Variants in SORL1 observed in about 807,000 individuals in gnomAD.
SORL1 encodes the protein sortilin related receptor 1, also known as sortilin-related receptor.
SORL1 carries 127 observed loss-of-function variants against 273.7 expected under a neutral mutation model. The ratio of observed to expected loss-of-function variants is 0.46; its 90% CI spans 0.40 to 0.54. SORL1 has a LOEUF of 0.54. SORL1 is among the 20% of genes least tolerant of loss of function. The pLI is 0.00. For missense variants in SORL1, 2,494 were observed against 2,846.1 expected (o/e 0.88, Z 2.81); for synonymous variants, 1,031 against 1,067.4 (o/e 0.97, Z 0.66).
At chr11:121,617,077 A>G (rs191838990) in intron 41 of SORL1, among the ~76,000 whole-genome samples, 1 of 152,364 alleles carries the variant, frequency 6.6e-6, no homozygotes, top group East Asian at 1.9e-4. Context: ...GTTCAGGTTA[A>G]GATAAAAGAT....
chr11:121,500,553 G>A lies in SORL1; in HGVS notation c.939+3504G>A, dbSNP rs147267345. On this transcript the variant is annotated intron_variant, in intron 6 of 47. Coordinates refer to ENST00000260197, the MANE Select transcript of SORL1 (RefSeq NM_003105.6). ...TCTAAGGTTGCTTTCATGCCCAGTG[G>A]TAGAGTTGCATAGGTACCTATACAG... Among the ~76,000 whole-genome samples, 6 of 152,308 alleles carry A rather than the reference G, an allele frequency of 3.9e-5. No homozygotes were observed. In the East Asian group the frequency reaches 1.2e-3, roughly 29 times the overall value.
At position 121,514,215 on chromosome 11, in the gene SORL1, C is replaced by T. The variant is rs548615007; in HGVS notation, c.1105C>T (p.Arg369Cys). 41 of 1,614,150 alleles carry T rather than the reference C, an allele frequency of 2.5e-5. No individual in the cohort carries two copies. The highest frequency in any genetic ancestry group is 3.3e-4 in the Middle Eastern group (2 of 6,062). ...TGTGTGTGTCAGCCACAGTAACAACCGCACCAATTTATACATCTCAGAGGC... is the reference window on the plus strand; with the variant it reads ...TGTGTGTGTCAGCCACAGTAACAACTGCACCAATTTATACATCTCAGAGGC... The part of the protein sequence containing the change: ...VFVCVSHSNN[R>C]TNLYISEAEG... The change falls in exon 8 of 48, where the codon CGC becomes TGC. Residue 369 changes from arginine to cysteine, a missense_variant. Arg to Cys is a radical substitution (Grantham distance 180). Transcript: ENST00000260197.
At chr11:121,593,212 C>G (rs1028570352) in intron 31 of SORL1, among the ~76,000 whole-genome samples, 3 of 152,198 alleles carry the variant, frequency 2.0e-5, no homozygotes, top group African/African-American at 7.2e-5. Context: ...TCACCTGTCT[C>G]CATGTACCTT....
At chr11:121,537,313 A>G (rs1274534007) in intron 12 of SORL1, among the ~76,000 whole-genome samples, 1 of 152,172 alleles carries the variant, frequency 6.6e-6, no homozygotes, top group African/African-American at 2.4e-5. Flanking sequence ...GACTTGCATT[A>G]TAGAATGATG....
At chr11:121,611,038 C>T in intron 38 of SORL1, 38 bp from the exon 39 acceptor site, 1 of 1,425,686 alleles carries the variant, frequency 7.0e-7, no homozygotes, top group African/African-American at 1.4e-5. Context: ...CACTTTTCAT[C>T]ACGTGGCTTC....
At chr11:121,468,191 G>C (rs1272209121) in intron 1 of SORL1, among the ~76,000 whole-genome samples, 1 of 152,128 alleles carries the variant, frequency 6.6e-6, no homozygotes, top group African/African-American at 2.4e-5. Context: ...AAGACAGCTC[G>C]GAGGGCAGGT....
intron 23 of SORL1, 78 bp from the exon 24 acceptor site, chr11:121,574,163 G>T: frequency 7.2e-7 from 1 of 1,397,326 alleles, no homozygotes; most frequent in African/African-American, 1.4e-5. Flanking sequence ...TTTTTTAATT[G>T]GTTTTCCAGT....
intron 31 of SORL1, among the ~76,000 whole-genome samples, chr11:121,591,985 C>T (rs1039463329): frequency 2.6e-5 from 4 of 151,968 alleles, no homozygotes; most frequent in Non-Finnish European, 4.4e-5. Flanking sequence ...GTCTTTTTGC[C>T]ATATTGAGTT....
Position 121,606,957 on chromosome 11 carries a change from T to G in SORL1, c.5061T>G (p.Ile1687Met), listed in dbSNP as rs748623785. 6.9e-6 allele frequency: 11 copies of G among 1,600,662 alleles called. No homozygotes were observed. The highest frequency in any genetic ancestry group is 1.1e-5 in the South Asian group (1 of 90,834). ...IHTHGLIREYIVEYSRSGSKM... is the reference protein window; with the variant it reads ...IHTHGLIREYMVEYSRSGSKM... ...CCCATGGCCTCATCCGTGAGTACAT[T>G]GTAAGTACCTTCCATGAGTTGGCTG... Residue 1687 changes from isoleucine to methionine, a missense_variant and splice_region_variant, in exon 36 of 48, where the codon ATT becomes ATG. Coordinates refer to ENST00000260197, the MANE Select transcript of SORL1 (RefSeq NM_003105.6).
At position 121,629,516 on chromosome 11, in the gene SORL1, C is replaced by T. The variant is rs746673608; in HGVS notation, c.6598C>T (p.Pro2200Ser). The T allele has an allele frequency of 1.3e-6, 2 of 1,587,542 alleles. No homozygotes were observed. Among genetic ancestry groups the T allele is most frequent in the South Asian group, 1.1e-5 (1 of 90,554 alleles). ...DDLGEDDEDA[P>S]MITGFSDDVP... Reference sequence around the variant, plus strand: ...TCTAGGGGAAGATGATGAAGATGCCCCTATGATAACTGGATTTTCAGATGA... The same window carrying T: ...TCTAGGGGAAGATGATGAAGATGCCTCTATGATAACTGGATTTTCAGATGA... The change falls in exon 48 of 48, where the codon CCT becomes TCT. Residue 2200 changes from proline (P) to serine (S), a missense_variant. Around this residue, in one of 3 missense-constraint regions of SORL1, gnomAD observed 1,609 missense variants for 1,816.4 expected, o/e 0.89. Coordinates refer to ENST00000260197, the MANE Select transcript of SORL1 (RefSeq NM_003105.6).
intron 39 of SORL1, 28 bp from the exon 40 acceptor site, chr11:121,612,708 A>C (rs1399427303): frequency 5.1e-6 from 8 of 1,564,252 alleles, no homozygotes; most frequent in Admixed American, 3.3e-5. Flanking sequence ...CTAGCTGTTC[A>C]TCTAACATGC....
intron 39 of SORL1, chr11:121,612,019 T>TAATCCCAGCTA (rs1463847738): frequency 6.6e-6 from 1 of 152,346 alleles, no homozygotes; most frequent in East Asian, 1.9e-4. Context: ...TGCATGCCTG[T>TAATCCCAGCTA]AATCCCAGCT....
chr11:121,622,060 C>T, intron 44 of SORL1, 102 bp from the exon 45 acceptor site: 1 of 688,196 alleles, frequency 1.5e-6, no homozygotes, highest in Non-Finnish European at 2.5e-6. Context: ...TGTAACCCAG[C>T]CCTCCAAGGC....
intron 27 of SORL1, among the ~76,000 whole-genome samples, chr11:121,587,772 T>C (rs548211121): frequency 6.6e-6 from 1 of 152,376 alleles, no homozygotes; most frequent in South Asian, 2.1e-4. Flanking sequence ...TTAATGCTAC[T>C]GCCCTTGTTT....
intron 23 of SORL1, among the ~76,000 whole-genome samples, 160 bp from the exon 24 acceptor site, chr11:121,574,081 C>T (rs1862887851): frequency 6.6e-6 from 1 of 152,156 alleles, no homozygotes; most frequent in African/African-American, 2.4e-5. Flanking sequence ...ATTTCAAGCT[C>T]TCATGTAATT....
At chr11:121,620,396 T>G (rs1225520310) in intron 43 of SORL1, among the ~76,000 whole-genome samples, 1 of 152,200 alleles carries the variant, frequency 6.6e-6, no homozygotes, top group Non-Finnish European at 1.5e-5. Context: ...ACAAAAAGTT[T>G]CTGACCCCTC....
intron 5 of SORL1, among the ~76,000 whole-genome samples, chr11:121,494,014 C>G (rs915050808): frequency 6.6e-6 from 1 of 152,116 alleles, no homozygotes; most frequent in African/African-American, 2.4e-5. Flanking sequence ...CCAAGGACAC[C>G]CTCTGCTCAA....
chr11:121,452,902 G>T lies in SORL1; in HGVS notation c.285+286G>T. 1 of 364,312 alleles carries T rather than the reference G, an allele frequency of 2.7e-6. No homozygotes were observed. The highest frequency in any genetic ancestry group is 4.9e-6 in the Non-Finnish European group (1 of 203,150). 22.6% of individuals were successfully genotyped at this position (364,312 alleles called of 1,614,324 possible). On this transcript the variant is annotated intron_variant, in intron 1 of 47. Transcript: ENST00000260197. This position sits in a 1 kb window ranked among gnomAD's most constrained non-coding sequence, Gnocchi z 5.3. ...ATGTAGTTTCCGGCAGGTATAGGAG[G>T]GGTGCAGCTTCATTTTACATCTGGA...
intron 30 of SORL1, chr11:121,590,705 C>T (rs879718321): frequency 1.5e-6 from 1 of 656,860 alleles, no homozygotes; most frequent in Non-Finnish European, 2.8e-6. Context: ...CCCTGTGCCT[C>T]CTCAGCCACC....
Sources: allele counts gnomAD v4.1 joint callset (sites outside exome capture counted in the v4.1 genomes callset), GRCh38; gene constraint gnomAD v4.1.1; regional missense constraint gnomAD v4.1.1; non-coding constraint Gnocchi (gnomAD v3.1); transcripts MANE v1.5; gene names NCBI Gene and HGNC (gene_info 2026-07-23, HGNC 2026-07-21).